The following APBB1IP variants were observed in gnomAD, a reference collection of about 807,000 sequenced individuals.
The protein encoded by APBB1IP is amyloid beta precursor protein binding family B member 1 interacting protein.
In APBB1IP, 27 loss-of-function variants were observed where a neutral mutation model predicts 64.9. That is an observed-to-expected ratio of 0.42 (90% CI 0.31 to 0.57). The LOEUF is 0.57. Among genes scored for constraint, APBB1IP ranks in the 20% least tolerant of loss-of-function variants. The pLI, the probability that APBB1IP is intolerant of heterozygous loss-of-function variation, is 0.20. For synonymous variants in APBB1IP, 392 were observed against 331.0 expected (o/e 1.18, Z -2.00); for missense variants, 812 against 845.5 (o/e 0.96, Z 0.49).
chr10:26,529,952 A>G (rs535431569), intron 8 of APBB1IP, among the ~76,000 whole-genome samples: 1 of 152,024 alleles, frequency 6.6e-6, no homozygotes, highest in African/African-American at 2.4e-5. Context: ...TGGAGTCTTC[A>G]TTATGCTCTC....
chr10:26,494,339 C>T (rs946065910), intron 3 of APBB1IP, among the ~76,000 whole-genome samples: 3 of 152,182 alleles, frequency 2.0e-5, no homozygotes, highest in South Asian at 4.1e-4. Context: ...GTCAGGTGGG[C>T]TTTAGAATGT....
Position 26,496,214 on chromosome 10 carries a change from A to G in APBB1IP, c.73-90A>G, listed in dbSNP as rs369222330. 3.3e-5 allele frequency: 32 copies of G among 961,086 alleles called. 1 individual carries two copies. The African/African-American group carries it at 4.6e-4, about 14-fold the overall frequency. The allele number at this position is 961,086 out of a possible 1,614,324, so 59.5% of individuals were successfully genotyped here. A position where few individuals can be genotyped will look rare whatever the true frequency, so the allele number is the denominator to read the frequency against. On this transcript the variant is annotated intron_variant, in intron 3 of 14. Transcript: ENST00000376236. ...ACACACTAAGGGAGAAAATGTGTAAATGATACATGGTTTTTGACTTGCTGA... is the reference window on the plus strand; with the variant it reads ...ACACACTAAGGGAGAAAATGTGTAAGTGATACATGGTTTTTGACTTGCTGA...
At chr10:26,450,312 A>T (rs1455346206) in intron 2 of APBB1IP, among the ~76,000 whole-genome samples, 1 of 152,254 alleles carries the variant, frequency 6.6e-6, no homozygotes, top group East Asian at 1.9e-4. Flanking sequence ...AGAACAAAAC[A>T]AAATTAAATC....
chr10:26,456,790 GA>G (rs1261827580), intron 2 of APBB1IP, among the ~76,000 whole-genome samples: 1 of 145,600 alleles, frequency 6.9e-6, no homozygotes, highest in Non-Finnish European at 1.5e-5. Flanking sequence ...GTAGGCATAT[GA>G]AAAATAATTA....
rs370833045 is a variant in APBB1IP at position 26,439,911 on chromosome 10, C to T, written c.-1+1058C>T. Among the ~76,000 whole-genome samples the T allele has an allele frequency of 3.9e-5, 6 of 152,288 alleles. No individual in the cohort carries two copies. The East Asian group carries it at 7.7e-4, about 20-fold the overall frequency. ...CATAAACCTAGAGCAGCGATTTTCCCTCTGGCCTCACTGGAATAATGGGTG... is the reference window on the plus strand; with the variant it reads ...CATAAACCTAGAGCAGCGATTTTCCTTCTGGCCTCACTGGAATAATGGGTG... On this transcript the variant is annotated intron_variant, in intron 2 of 14. Coordinates refer to ENST00000376236, the MANE Select transcript of APBB1IP (RefSeq NM_019043.4).
At position 26,494,599 on chromosome 10, in the gene APBB1IP, G is replaced by A. The variant is rs140294801; in HGVS notation, c.73-1705G>A. Among the ~76,000 whole-genome samples the A allele has an allele frequency of 5.3e-3, 800 of 152,308 alleles. 4 individuals are homozygous for A. Among genetic ancestry groups the A allele is most frequent in the Non-Finnish European group, 9.2e-3 (629 of 68,014 alleles). ...TGCCAGCACTTTGGGAGGCCGAGGT[G>A]AGTGGATCACAGGTCAGGAGTTCGA... On this transcript the variant is annotated intron_variant, in intron 3 of 14. Transcript: ENST00000376236.
intron 2 of APBB1IP, among the ~76,000 whole-genome samples, chr10:26,442,262 T>A (rs1371176908): frequency 6.6e-6 from 1 of 152,242 alleles, no homozygotes; most frequent in Non-Finnish European, 1.5e-5. Flanking sequence ...GTTAATATAA[T>A]CAACTTTGAA....
At chr10:26,503,168 G>A (rs1836127856) in intron 5 of APBB1IP, 29 bp from the exon 6 acceptor site, 1 of 1,609,348 alleles carries the variant, frequency 6.2e-7, no homozygotes, top group Non-Finnish European at 8.5e-7. Flanking sequence ...TTAATGGACT[G>A]TATTGAAGAA....
At chr10:26,470,494 G>A (rs371576812) in intron 2 of APBB1IP, among the ~76,000 whole-genome samples, 2 of 152,164 alleles carry the variant, frequency 1.3e-5, no homozygotes, top group East Asian at 1.9e-4. Context: ...AGCCAAGATC[G>A]TGCCACTGTA....
chr10:26,541,601 G>A lies in APBB1IP; in HGVS notation c.1064G>A (p.Cys355Tyr). 1 of 1,611,098 alleles carries A rather than the reference G, an allele frequency of 6.2e-7. No individual in the cohort carries two copies. The highest frequency in any genetic ancestry group is 1.1e-5 in the South Asian group (1 of 89,998). ...GKTKTSRDLA[C>Y]FIQFENVNIY... is the part of the protein sequence containing the mutation. ...TTTCAGACATCTCGAGATCTGGCGT[G>A]TTTTATACAGTTTGAAAATGTCAAC... Residue 355 changes from cysteine to tyrosine, a missense_variant, in exon 11 of 15, where the codon TGT (cysteine) becomes TAT (tyrosine). Coordinates refer to ENST00000376236, the MANE Select transcript of APBB1IP (RefSeq NM_019043.4).
At chr10:26,547,570 T>C (rs1836782158) in intron 11 of APBB1IP, among the ~76,000 whole-genome samples, 1 of 152,098 alleles carries the variant, frequency 6.6e-6, no homozygotes, top group African/African-American at 2.4e-5. Flanking sequence ...GCCTCCCGAG[T>C]AGCTGGGATT....
At chr10:26,530,077 G>T (rs1203185728) in intron 8 of APBB1IP, among the ~76,000 whole-genome samples, 2 of 152,068 alleles carry the variant, frequency 1.3e-5, no homozygotes, top group Non-Finnish European at 2.9e-5. Flanking sequence ...AACTCATATT[G>T]GGTCACATCT....
At chr10:26,439,971 A>T (rs1199287757) in intron 2 of APBB1IP, among the ~76,000 whole-genome samples, 1 of 152,170 alleles carries the variant, frequency 6.6e-6, no homozygotes, top group East Asian at 1.9e-4. Flanking sequence ...TGGCTGGCGA[A>T]ATTAGCAAGG....
chr10:26,444,343 G>A (rs1421040487), intron 2 of APBB1IP, among the ~76,000 whole-genome samples: 1 of 152,184 alleles, frequency 6.6e-6, no homozygotes, highest in African/African-American at 2.4e-5. Context: ...GAGCAAAATG[G>A]AGGGGCCATT....
intron 8 of APBB1IP, among the ~76,000 whole-genome samples, chr10:26,530,582 C>T (rs1282016108): frequency 1.3e-4 from 20 of 151,468 alleles, no homozygotes; most frequent in Non-Finnish European, 2.7e-4. Flanking sequence ...CCCAGCTACT[C>T]GGGAGGCTGA....
chr10:26,554,053 G>A (rs955354149), intron 11 of APBB1IP, among the ~76,000 whole-genome samples: 21 of 152,208 alleles, frequency 1.4e-4, no homozygotes, highest in Non-Finnish European at 2.9e-4. Flanking sequence ...TTCCTAATCC[G>A]TAGTGGACAG....
At chr10:26,487,858 G>GT (rs1835910989) in intron 2 of APBB1IP, among the ~76,000 whole-genome samples, 1 of 152,036 alleles carries the variant, frequency 6.6e-6, no homozygotes. Context: ...CAAGATTCTT[G>GT]TTACTCAAAT....
intron 2 of APBB1IP, among the ~76,000 whole-genome samples, chr10:26,461,525 G>A (rs903855323): frequency 6.6e-5 from 10 of 151,696 alleles, no homozygotes; most frequent in African/African-American, 2.4e-4. Context: ...TATTACTTAG[G>A]AATAATCTTT....
At chr10:26,453,575 TC>T (rs1280718958) in intron 2 of APBB1IP, among the ~76,000 whole-genome samples, 3 of 152,050 alleles carry the variant, frequency 2.0e-5, no homozygotes, top group Non-Finnish European at 4.4e-5. Flanking sequence ...TTGGTGTTTG[TC>T]CCCTCTGGAC....
Sources: allele counts gnomAD v4.1 joint callset (sites outside exome capture counted in the v4.1 genomes callset), GRCh38; gene constraint gnomAD v4.1.1; transcripts MANE v1.5; gene names NCBI Gene and HGNC (gene_info 2026-07-23, HGNC 2026-07-21).